Variants in LRRC4C observed in about 807,000 individuals in gnomAD.
LRRC4C encodes leucine-rich repeat-containing protein 4C.
Under a neutral mutation model 33.6 loss-of-function variants are expected in LRRC4C, and 5 were observed. The ratio of observed to expected loss-of-function variants is 0.15; its 90% CI spans 0.08 to 0.31. The LOEUF (loss-of-function observed/expected upper bound fraction) is 0.31. Among genes scored for constraint, LRRC4C ranks in the 10% least tolerant of loss-of-function variants. The pLI, the probability that LRRC4C is intolerant of heterozygous loss-of-function variation, is 1.00. For synonymous variants in LRRC4C, 329 were observed against 302.0 expected (o/e 1.09, Z -0.93); for missense variants, 560 against 796.7 (o/e 0.70, Z 3.58).
chr11:40,219,563 G>T (rs1864249267), intron 5 of LRRC4C, among the ~76,000 whole-genome samples: 1 of 152,092 alleles, frequency 6.6e-6, no homozygotes, highest in South Asian at 2.1e-4. Flanking sequence ...CCTTTAAAAA[G>T]TCAGAGATCT....
intron 1 of LRRC4C, among the ~76,000 whole-genome samples, chr11:41,408,369 T>C (rs1954322077): frequency 6.6e-6 from 1 of 152,176 alleles, no homozygotes; most frequent in African/African-American, 2.4e-5. Context: ...TGAAGAAGTA[T>C]GTTAGAATTC....
chr11:41,446,174 T>C (rs192745484), intron 1 of LRRC4C, among the ~76,000 whole-genome samples: 269 of 152,304 alleles, frequency 1.8e-3, no homozygotes, highest in Non-Finnish European at 3.1e-3. Flanking sequence ...GTTACTCTTT[T>C]TCAAGAAAAC....
chr11:40,193,742 C>G (rs558595788), intron 5 of LRRC4C, among the ~76,000 whole-genome samples: 1 of 152,108 alleles, frequency 6.6e-6, no homozygotes, highest in African/African-American at 2.4e-5. Context: ...CTAGAATAAC[C>G]AGTTTAGGGA....
intron 1 of LRRC4C, among the ~76,000 whole-genome samples, chr11:41,053,661 T>C (rs1858417510): frequency 6.6e-6 from 1 of 152,206 alleles, no homozygotes; most frequent in Non-Finnish European, 1.5e-5. Flanking sequence ...TATACTTAAT[T>C]GGAGATCCCT....
At chr11:41,060,140 A>T (rs1937645391) in intron 1 of LRRC4C, among the ~76,000 whole-genome samples, 1 of 152,166 alleles carries the variant, frequency 6.6e-6, no homozygotes, top group South Asian at 2.1e-4. Context: ...AGAAGCTAGC[A>T]TGTCGCTCTG....
intron 3 of LRRC4C, among the ~76,000 whole-genome samples, chr11:40,414,879 CAG>C (rs1240793451): frequency 6.6e-6 from 1 of 152,032 alleles, no homozygotes; most frequent in Non-Finnish European, 1.5e-5. Context: ...TCAAGCAGAG[CAG>C]ACAGAATTAG....
At chr11:41,207,753 G>C (rs1453741006) in intron 1 of LRRC4C, among the ~76,000 whole-genome samples, 2 of 152,182 alleles carry the variant, frequency 1.3e-5, no homozygotes, top group Non-Finnish European at 2.9e-5. Flanking sequence ...TGGACTTCCA[G>C]CTTTGAGAGC....
chr11:40,468,752 A>T (rs558958642), intron 3 of LRRC4C, among the ~76,000 whole-genome samples: 141 of 152,326 alleles, frequency 9.3e-4, no homozygotes, highest in Non-Finnish European at 1.6e-3. Flanking sequence ...CTTACAAGTC[A>T]AACTAAGTAT....
chr11:40,457,844 A>C (rs1013448724), intron 3 of LRRC4C, among the ~76,000 whole-genome samples: 2 of 152,058 alleles, frequency 1.3e-5, no homozygotes, highest in African/African-American at 4.8e-5. Flanking sequence ...ATAGTATGAA[A>C]TTTTTTATGT....
chr11:41,061,511 G>C (rs537672849), intron 1 of LRRC4C, among the ~76,000 whole-genome samples: 1 of 152,280 alleles, frequency 6.6e-6, no homozygotes, highest in African/African-American at 2.4e-5. Flanking sequence ...GTGACACTGG[G>C]GGTGAGGGGA....
chr11:40,264,633 G>A (rs1270587454), intron 4 of LRRC4C, among the ~76,000 whole-genome samples: 1 of 152,130 alleles, frequency 6.6e-6, no homozygotes, highest in East Asian at 1.9e-4. Context: ...CTTCAACCTG[G>A]TTTGAAGAGT....
intron 1 of LRRC4C, among the ~76,000 whole-genome samples, chr11:41,097,481 T>C (rs982139133): frequency 6.6e-6 from 1 of 152,124 alleles, no homozygotes; most frequent in Non-Finnish European, 1.5e-5. Flanking sequence ...TTCTTCTGTA[T>C]GAGGTTTGAG....
At chr11:40,460,591 A>G (rs529451576) in intron 3 of LRRC4C, among the ~76,000 whole-genome samples, 340 of 152,310 alleles carry the variant, frequency 2.2e-3, no homozygotes, top group Non-Finnish European at 3.8e-3. Context: ...GTTCACAGTA[A>G]TGCCACATTT....
chr11:40,295,756 A>G (rs1176513534), intron 4 of LRRC4C, among the ~76,000 whole-genome samples: 1 of 152,182 alleles, frequency 6.6e-6, no homozygotes, highest in Non-Finnish European at 1.5e-5. Context: ...CTTTGATGTT[A>G]TGAATTACAT....
chr11:40,938,478 A>T (rs1040018908), intron 1 of LRRC4C, among the ~76,000 whole-genome samples: 1 of 152,302 alleles, frequency 6.6e-6, no homozygotes, highest in Admixed American at 6.5e-5. Flanking sequence ...GTATGTGTTG[A>T]ACACATACTA....
intron 3 of LRRC4C, among the ~76,000 whole-genome samples, chr11:40,583,403 T>C (rs550074165): frequency 1.3e-5 from 2 of 152,330 alleles, no homozygotes; most frequent in African/African-American, 4.8e-5. Flanking sequence ...TGTAGCACCT[T>C]TAATGGTGCC....
intron 1 of LRRC4C, among the ~76,000 whole-genome samples, chr11:40,941,947 G>T (rs1197316673): frequency 2.6e-5 from 4 of 152,112 alleles, no homozygotes; most frequent in African/African-American, 9.7e-5. Flanking sequence ...CAAGAAGCAG[G>T]CACTGAGACA....
At chr11:41,274,221 C>A (rs777200258) in intron 1 of LRRC4C, among the ~76,000 whole-genome samples, 2 of 152,058 alleles carry the variant, frequency 1.3e-5, no homozygotes, top group Non-Finnish European at 2.9e-5. Context: ...GGAGGCACTT[C>A]GAGTTTCATT....
intron 4 of LRRC4C, among the ~76,000 whole-genome samples, chr11:40,287,709 C>T (rs566400012): frequency 1.2e-4 from 19 of 152,194 alleles, no homozygotes; most frequent in African/African-American, 4.6e-4. Flanking sequence ...TGTTTTTATG[C>T]CTGTATTATA....
Sources: gnomAD v4.1 joint callset for allele counts (sites outside exome capture counted in the v4.1 genomes callset) on GRCh38, gnomAD v4.1.1 for gene constraint, MANE v1.5 for transcripts, NCBI Gene and HGNC (gene_info 2026-07-23, HGNC 2026-07-21) for gene names.